The following RAB27A variants were observed in gnomAD, a reference collection of about 807,000 sequenced individuals.
RAB27A encodes RAB27A, member RAS oncogene family, also known as ras-related protein Rab-27A.
Under a neutral mutation model 20.8 loss-of-function variants are expected in RAB27A, and 17 were observed. The observed-to-expected ratio is 0.82, with a 90% CI of 0.56 to 1.23. RAB27A has a LOEUF of 1.23. Ranked by LOEUF, RAB27A falls within the 50% of genes most tolerant of loss-of-function variation. RAB27A has a pLI of 0.00. For missense variants in RAB27A, 277 were observed against 266.7 expected (o/e 1.04, Z -0.27); for synonymous variants, 85 against 92.8 (o/e 0.92, Z 0.48).
chr15:55,311,905 T>G (rs1243568630), intron 2 of RAB27A, among the ~76,000 whole-genome samples: 6 of 152,150 alleles, frequency 3.9e-5, no homozygotes, highest in Admixed American at 3.3e-4. Flanking sequence ...CTCCCAGAGC[T>G]CCCGATAGTG....
rs201689862 is a variant in RAB27A, at chr15:55,205,501, G to A, written c.*6C>T. On this transcript the variant is annotated 3_prime_UTR_variant, in exon 7 of 7. Coordinates refer to ENST00000336787, the MANE Select transcript of RAB27A (RefSeq NM_183235.3). ...ACCTGAACTACTATGTCGCTTACTT[G>A]ACTTCTCAACAGCCACATGCCCCTT... 6.2e-7 allele frequency: 1 copy of A among 1,613,576 alleles called. No homozygotes were observed. Among genetic ancestry groups the A allele is most frequent in the African/African-American group, 1.3e-5 (1 of 74,892 alleles).
intron 2 of RAB27A, among the ~76,000 whole-genome samples, chr15:55,306,649 AAG>A (rs2054998016): frequency 6.6e-6 from 1 of 152,228 alleles, no homozygotes; most frequent in South Asian, 2.1e-4. Context: ...CATGCATGCA[AAG>A]AGTGGCAGAG....
intron 2 of RAB27A, among the ~76,000 whole-genome samples, chr15:55,242,013 C>G (rs1208215928): frequency 1.3e-5 from 2 of 152,054 alleles, no homozygotes; most frequent in African/African-American, 2.4e-5. Flanking sequence ...CTGCTACACA[C>G]ACACAGACAT....
chr15:55,209,729 C>G (rs1178275727), intron 6 of RAB27A, among the ~76,000 whole-genome samples: 1 of 146,800 alleles, frequency 6.8e-6, no homozygotes, highest in Non-Finnish European at 1.5e-5. Flanking sequence ...AATATATATA[C>G]ACATATATAT....
At chr15:55,252,534 G>A (rs922485399) in intron 2 of RAB27A, among the ~76,000 whole-genome samples, 8 of 152,030 alleles carry the variant, frequency 5.3e-5, no homozygotes, top group Admixed American at 3.9e-4. Flanking sequence ...CCTGGGAGGC[G>A]GAAGCTGCAG....
chr15:55,252,025 T>G (rs907406150), intron 2 of RAB27A, among the ~76,000 whole-genome samples: 2 of 146,636 alleles, frequency 1.4e-5, no homozygotes, highest in African/African-American at 5.1e-5. Context: ...ACAAAGGGAG[T>G]TTTCAGACAG....
At chr15:55,218,876 G>A (rs972098281) in intron 6 of RAB27A, among the ~76,000 whole-genome samples, 6 of 152,002 alleles carry the variant, frequency 3.9e-5, no homozygotes, top group African/African-American at 1.2e-4. Context: ...CCAAGTAGCT[G>A]GGATTACAGG....
intron 2 of RAB27A, 28 bp from the exon 3 acceptor site, chr15:55,234,984 T>C: frequency 6.7e-7 from 1 of 1,500,798 alleles, no homozygotes; most frequent in African/African-American, 1.4e-5. Context: ...AATTTTTTAA[T>C]TAAAATCCAT....
intron 4 of RAB27A, among the ~76,000 whole-genome samples, chr15:55,229,631 C>T (rs1278472657): frequency 6.6e-6 from 1 of 151,496 alleles, no homozygotes; most frequent in Non-Finnish European, 1.5e-5. Flanking sequence ...GCTGAGATCA[C>T]GTCAGCCTGG....
At chr15:55,304,441 A>G (rs1394095483) in intron 2 of RAB27A, among the ~76,000 whole-genome samples, 3 of 148,212 alleles carry the variant, frequency 2.0e-5, no homozygotes, top group African/African-American at 7.7e-5. Flanking sequence ...TCTGTGAGAA[A>G]CACCCAAGAA....
intron 2 of RAB27A, among the ~76,000 whole-genome samples, chr15:55,298,989 AAC>A (rs1427778267): frequency 1.3e-5 from 2 of 152,198 alleles, no homozygotes; most frequent in Non-Finnish European, 2.9e-5. Context: ...ATATTGTTCA[AAC>A]ACACATGCTG....
chr15:55,264,042 G>A (rs1897370625), intron 2 of RAB27A, among the ~76,000 whole-genome samples: 1 of 152,068 alleles, frequency 6.6e-6, no homozygotes, highest in Non-Finnish European at 1.5e-5. Flanking sequence ...TTTTCTGTTT[G>A]TTTGTTTGTT....
intron 6 of RAB27A, among the ~76,000 whole-genome samples, chr15:55,212,956 G>A (rs1895100198): frequency 6.6e-6 from 1 of 152,168 alleles, no homozygotes; most frequent in African/African-American, 2.4e-5. Flanking sequence ...TGAGAAATCA[G>A]ACTTCTTGTC....
At chr15:55,291,969 T>C (rs1241739063), upstream of RAB27A, among the ~76,000 whole-genome samples, 1 of 151,918 alleles carries the variant, frequency 6.6e-6, no homozygotes, top group Admixed American at 6.6e-5. Flanking sequence ...AAGGATAAAC[T>C]TAGAATGAAT....
intron 1 of RAB27A, among the ~76,000 whole-genome samples, chr15:55,271,370 G>A (rs566709348): frequency 3.3e-5 from 5 of 152,318 alleles, no homozygotes; most frequent in African/African-American, 1.2e-4. Context: ...TATTAGATTT[G>A]CACATTCTTG....
At chr15:55,209,785 TATGTGTGTATGTATACATATATACACAC>T (rs1212173926) in intron 6 of RAB27A, among the ~76,000 whole-genome samples, 3 of 124,438 alleles carry the variant, frequency 2.4e-5, no homozygotes, top group East Asian at 2.1e-4. Flanking sequence ...TATACACACA[TATGTGTGTATGTATACATATATACACAC>T]ATGTGTGTAT....
intron 1 of RAB27A, among the ~76,000 whole-genome samples, chr15:55,282,931 C>CAAAA (rs1173028892): frequency 6.6e-6 from 1 of 151,768 alleles, no homozygotes; most frequent in African/African-American, 2.4e-5. Flanking sequence ...AATAAATAAA[C>CAAAA]AAACAAACAG....
chr15:55,230,861 T>C (rs566669560), intron 3 of RAB27A, among the ~76,000 whole-genome samples: 164 of 152,280 alleles, frequency 1.1e-3, no homozygotes, highest in African/African-American at 3.8e-3. Context: ...ATGTGCAGGC[T>C]TGTTACGTAG....
chr15:55,221,985 T>C (rs1490568298), intron 6 of RAB27A, among the ~76,000 whole-genome samples: 1 of 152,136 alleles, frequency 6.6e-6, no homozygotes, highest in African/African-American at 2.4e-5. Flanking sequence ...TGTCTGACTG[T>C]CCTGTCCTTC....
Sources: allele counts gnomAD v4.1 joint callset (sites outside exome capture counted in the v4.1 genomes callset), GRCh38; gene constraint gnomAD v4.1.1; transcripts MANE v1.5; gene names NCBI Gene and HGNC (gene_info 2026-07-23, HGNC 2026-07-21).